ENTPD1: variants seen among roughly 807,000 people sequenced by gnomAD.
ENTPD1 encodes the protein ATP diphosphohydrolase.
ENTPD1 carries 33 observed loss-of-function variants against 57.0 expected under a neutral mutation model. The observed-to-expected ratio is 0.58, with a 90% CI of 0.44 to 0.77. The LOEUF is 0.77. Ranked by LOEUF, ENTPD1 falls within the 30% of genes least tolerant of loss-of-function variation. The probability of loss-of-function intolerance (pLI) is 0.00; values close to 1 mark genes in which losing one functional copy is unlikely to be tolerated. For missense variants in ENTPD1, 501 were observed against 603.4 expected (o/e 0.83, Z 1.78); for synonymous variants, 202 against 218.8 (o/e 0.92, Z 0.68).
chr10:95,817,818 C>T (rs954100394), intron 1 of ENTPD1, among the ~76,000 whole-genome samples: 1 of 152,128 alleles, frequency 6.6e-6, no homozygotes, highest in South Asian at 2.1e-4. Context: ...TTGTATTTTT[C>T]TCCCAACTAG....
chr10:95,810,513 C>T (rs1404166980), intron 1 of ENTPD1, among the ~76,000 whole-genome samples: 1 of 148,902 alleles, frequency 6.7e-6, no homozygotes, highest in Non-Finnish European at 1.5e-5. Context: ...CCTCACATCC[C>T]AGATGGGGTG....
intron 1 of ENTPD1, among the ~76,000 whole-genome samples, chr10:95,740,529 C>T (rs1017223609): frequency 2.6e-5 from 4 of 152,216 alleles, no homozygotes; most frequent in African/African-American, 9.7e-5. Flanking sequence ...AGAGAGTCAT[C>T]CTCTCCTTTG....
At chr10:95,742,643 C>T (rs530702927) in intron 1 of ENTPD1, among the ~76,000 whole-genome samples, 10 of 151,374 alleles carry the variant, frequency 6.6e-5, no homozygotes, top group African/African-American at 2.4e-4. Context: ...AGGCCATTTC[C>T]GTGTCTTGGC....
At chr10:95,837,972 A>C (rs74847671) in intron 2 of ENTPD1, among the ~76,000 whole-genome samples, 4,032 of 151,574 alleles carry the variant, frequency 0.027, 83 homozygotes, top group Middle Eastern at 0.058. Context: ...ACACACACAC[A>C]CACACACACA....
At position 95,734,260 on chromosome 10, in the gene ENTPD1, C is replaced by T. The variant is rs181053040; in HGVS notation, c.37+22267C>T. Among the ~76,000 whole-genome samples, 1,171 of 152,200 alleles carry T rather than the reference C, an allele frequency of 7.7e-3. 5 individuals carry two copies. Among genetic ancestry groups the T allele is most frequent in the Non-Finnish European group, 0.011 (768 of 68,010 alleles). On this transcript the variant is annotated intron_variant, in intron 1 of 9. Coordinates refer to the ENTPD1 transcript ENST00000453258. ...TGTAAGCCAAGGAGGTAAGAGGACT[C>T]CAGTAATGACAGATTGAGTTTCTTG...
intron 1 of ENTPD1, among the ~76,000 whole-genome samples, chr10:95,763,078 GTATTTATTTATT>G (rs1053457898): frequency 2.0e-5 from 3 of 151,692 alleles, no homozygotes; most frequent in African/African-American, 7.3e-5. Flanking sequence ...TAGTTTTTCT[GTATTTATTTATT>G]TATTTATTTA....
rs763454060 is a variant in ENTPD1, at chr10:95,864,802, C to T, written c.1267C>T (p.Leu423Phe). Residue 423 changes from leucine to phenylalanine, a missense_variant, in exon 9 of 10, where the codon CTT (leucine) becomes TTT (phenylalanine). By Grantham distance (22) the Leu-to-Phe change is conservative. Transcript: ENST00000371205. Reference sequence around the variant, plus strand: ...TTCTGGTACCTACATTCTCTCCCTCCTTCTGCAAGGCTATCATTTCACAGC... The same window carrying T: ...TTCTGGTACCTACATTCTCTCCCTCTTTCTGCAAGGCTATCATTTCACAGC... Reference protein sequence around the residue: ...CFSGTYILSLLLQGYHFTADS... With the variant: ...CFSGTYILSLFLQGYHFTADS... The T allele has an allele frequency of 6.2e-7, 1 of 1,614,058 alleles. No homozygotes were observed. The highest frequency in any genetic ancestry group is 1.1e-5 in the South Asian group (1 of 91,076).
chr10:95,706,056 G>A, the ENTPD1 span, among the ~76,000 whole-genome samples: 1 of 152,218 alleles, frequency 6.6e-6, no homozygotes, highest in Non-Finnish European at 1.5e-5. Flanking sequence ...CAGTGATCAT[G>A]CCACTGCATT....
In ENTPD1 at chr10:95,876,184, T is replaced by C; in HGVS notation, c.*9801T>C. On this transcript the variant is annotated 3_prime_UTR_variant, in exon 10 of 10. Coordinates refer to ENST00000371205, the MANE Select transcript of ENTPD1 (RefSeq NM_001776.6). ...CATTTGTACTCCACATTGTCAGTTT[T>C]CTTAGGTATATTTATAAATACTCCT... 1 of 983,448 alleles carries C rather than the reference T, an allele frequency of 1.0e-6. No individual in the cohort carries two copies. The highest frequency in any genetic ancestry group is 1.2e-6 in the Non-Finnish European group (1 of 828,112). The allele number at this position is 983,448 out of a possible 1,614,324, so 60.9% of individuals were successfully genotyped here.
chr10:95,865,854 A>G (rs964176607), intron 9 of ENTPD1, among the ~76,000 whole-genome samples: 1 of 152,106 alleles, frequency 6.6e-6, no homozygotes, highest in Admixed American at 6.5e-5. Context: ...TGAAGCCTCA[A>G]ACTCCTGGGA....
intron 1 of ENTPD1, among the ~76,000 whole-genome samples, chr10:95,718,317 G>T (rs1460699182): frequency 3.3e-5 from 5 of 152,080 alleles, no homozygotes; most frequent in Non-Finnish European, 7.4e-5. Flanking sequence ...CTGGGGCTTG[G>T]TTTCCTGGAG....
At chr10:95,839,463 A>G in intron 2 of ENTPD1, 1 of 566,610 alleles carries the variant, frequency 1.8e-6, no homozygotes, top group East Asian at 3.1e-5. Context: ...CCTGTTCTGC[A>G]TAAGGTCTGA....
chr10:95,707,457 G>A (rs994607811), upstream of ENTPD1, among the ~76,000 whole-genome samples: 1 of 152,250 alleles, frequency 6.6e-6, no homozygotes, highest in Non-Finnish European at 1.5e-5. Flanking sequence ...GCTGCAGCTA[G>A]TGTGATGGTA....
At chr10:95,766,404 G>A (rs555072841) in intron 1 of ENTPD1, among the ~76,000 whole-genome samples, 2 of 152,108 alleles carry the variant, frequency 1.3e-5, no homozygotes, top group South Asian at 2.1e-4. Context: ...CCTCAATTAC[G>A]CTCAATACTA....
chr10:95,770,251 G>C (rs2098110790), intron 1 of ENTPD1, among the ~76,000 whole-genome samples: 1 of 94,752 alleles, frequency 1.1e-5, no homozygotes, highest in South Asian at 3.5e-4. Context: ...GAGAGTGAGT[G>C]AGTGAGTGTG....
chr10:95,694,724 T>C, the ENTPD1 span, among the ~76,000 whole-genome samples: 1 of 151,870 alleles, frequency 6.6e-6, no homozygotes, highest in South Asian at 2.1e-4. Context: ...CTAGGAGGTT[T>C]TTGTTCTTCC....
chr10:95,702,511 G>A, the ENTPD1 span, among the ~76,000 whole-genome samples: 1 of 151,778 alleles, frequency 6.6e-6, no homozygotes, highest in Non-Finnish European at 1.5e-5. Flanking sequence ...TGGGGAGAGT[G>A]GTAGAAATAC....
the ENTPD1 span, among the ~76,000 whole-genome samples, chr10:95,702,884 C>G: frequency 1.3e-5 from 2 of 152,126 alleles, no homozygotes; most frequent in Non-Finnish European, 2.9e-5. Context: ...TGGGTTCACA[C>G]AATTCTCTGC....
chr10:95,796,748 T>C (rs2098227738), intron 1 of ENTPD1, among the ~76,000 whole-genome samples: 1 of 152,116 alleles, frequency 6.6e-6, no homozygotes, highest in African/African-American at 2.4e-5. Context: ...TGGGGAGGAC[T>C]CTACAGAAGT....
Sources: gnomAD v4.1 joint callset for allele counts (sites outside exome capture counted in the v4.1 genomes callset) on GRCh38, gnomAD v4.1.1 for gene constraint, MANE v1.5 for transcripts, NCBI Gene and HGNC (gene_info 2026-07-23, HGNC 2026-07-21) for gene names.